The following SWT1 variants were observed in gnomAD, a reference collection of about 807,000 sequenced individuals.
SWT1 encodes the protein SWT1 RNA endoribonuclease homolog.
Under a neutral mutation model 107.3 loss-of-function variants are expected in SWT1, and 33 were observed. The ratio of observed to expected loss-of-function variants is 0.31; its 90% CI spans 0.23 to 0.41. The LOEUF is 0.41. SWT1 is among the 10% of genes least tolerant of loss of function. The pLI is 1.00. For synonymous variants in SWT1, 345 were observed against 348.3 expected (o/e 0.99, Z 0.11); for missense variants, 898 against 1,028.9 (o/e 0.87, Z 1.74).
intron 13 of SWT1, 121 bp from the exon 14 acceptor site, chr1:185,214,385 TG>T: frequency 1.7e-6 from 1 of 573,506 alleles, no homozygotes; most frequent in Non-Finnish European, 2.9e-6. Flanking sequence ...AACTTAGGAG[TG>T]GCATATAGGT....
chr1:185,202,631 T>C (rs1260472209), intron 10 of SWT1, 23 bp from the exon 11 acceptor site: 1 of 1,598,168 alleles, frequency 6.3e-7, no homozygotes, highest in Admixed American at 1.7e-5. Flanking sequence ...TTTTTCCTCC[T>C]AATCCCAACC....
intron 18 of SWT1, among the ~76,000 whole-genome samples, chr1:185,278,672 G>A (rs1486824523): frequency 1.3e-5 from 2 of 152,172 alleles, no homozygotes; most frequent in African/African-American, 2.4e-5. Flanking sequence ...GTTGTAACAC[G>A]ACATGTGCAT....
chr1:185,233,889 A>C (rs975561443), intron 16 of SWT1, among the ~76,000 whole-genome samples: 29 of 151,870 alleles, frequency 1.9e-4, no homozygotes, highest in Admixed American at 5.2e-4. Context: ...GACTACAGGC[A>C]CCCGCCACCA....
chr1:185,269,378 T>G (rs1007706138), intron 16 of SWT1, among the ~76,000 whole-genome samples: 11 of 151,642 alleles, frequency 7.3e-5, no homozygotes, highest in Middle Eastern at 3.4e-3. Flanking sequence ...TTTTTGTTTT[T>G]TTTTTTTTTT....
At chr1:185,220,542 A>G (rs1021602250) in intron 14 of SWT1, among the ~76,000 whole-genome samples, 3 of 151,816 alleles carry the variant, frequency 2.0e-5, no homozygotes, top group African/African-American at 4.8e-5. Context: ...CAGTTTGTCT[A>G]TTTCATCTCC....
At chr1:185,248,340 A>G (rs544423809) in intron 16 of SWT1, among the ~76,000 whole-genome samples, 3 of 152,328 alleles carry the variant, frequency 2.0e-5, no homozygotes, top group South Asian at 4.1e-4. Context: ...ATTTTTTTTC[A>G]TAAATACATG....
chr1:185,260,345 T>C (rs1278483047), intron 16 of SWT1, among the ~76,000 whole-genome samples: 1 of 152,144 alleles, frequency 6.6e-6, no homozygotes, highest in Admixed American at 6.5e-5. Context: ...GGTCAATGGC[T>C]GTGCAGTGTA....
intron 16 of SWT1, chr1:185,263,721 C>G (rs1663188377): frequency 6.6e-6 from 1 of 152,176 alleles, no homozygotes; most frequent in African/African-American, 2.4e-5. Context: ...TAAATTGTGG[C>G]ATTGATTTCA....
chr1:185,203,240 C>T (rs1658027954), intron 11 of SWT1, among the ~76,000 whole-genome samples: 2 of 151,872 alleles, frequency 1.3e-5, no homozygotes, highest in Admixed American at 6.6e-5. Context: ...CTATTTATAA[C>T]CTATTAATAT....
intron 14 of SWT1, among the ~76,000 whole-genome samples, 196 bp downstream of exon 14, chr1:185,214,851 G>A (rs1659094957): frequency 6.6e-6 from 1 of 152,152 alleles, no homozygotes; most frequent in African/African-American, 2.4e-5. Flanking sequence ...CTCCTTTTAT[G>A]GAAGCAGTGT....
chr1:185,168,829 G>A (rs994551652), intron 4 of SWT1, among the ~76,000 whole-genome samples: 1 of 152,166 alleles, frequency 6.6e-6, no homozygotes, highest in Non-Finnish European at 1.5e-5. Context: ...TGTGATTATA[G>A]CTAGAGAACT....
chr1:185,171,592 C>A (rs2102332574), intron 4 of SWT1: 3 of 488,480 alleles, frequency 6.1e-6, no homozygotes, highest in South Asian at 1.6e-5. Flanking sequence ...AAAAACTGCT[C>A]AAAATTGGCA....
At chr1:185,217,321 T>TA (rs1236558825) in intron 14 of SWT1, among the ~76,000 whole-genome samples, 3 of 152,174 alleles carry the variant, frequency 2.0e-5, no homozygotes, top group Non-Finnish European at 2.9e-5. Flanking sequence ...AAGCAAAACT[T>TA]AATCTGTATT....
intron 15 of SWT1, among the ~76,000 whole-genome samples, chr1:185,225,960 G>A (rs1469474757): frequency 6.6e-6 from 1 of 151,970 alleles, no homozygotes; most frequent in Non-Finnish European, 1.5e-5. Flanking sequence ...AATGGCATGA[G>A]GACTAACAAT....
chr1:185,177,038 A>C (rs1655631616), intron 5 of SWT1: 2 of 983,900 alleles, frequency 2.0e-6, no homozygotes, highest in Non-Finnish European at 2.4e-6. Flanking sequence ...TTCTTACGAA[A>C]AATGGAGGAA....
At chr1:185,208,624 C>G (rs1658516828) in intron 13 of SWT1, among the ~76,000 whole-genome samples, 1 of 152,050 alleles carries the variant, frequency 6.6e-6, no homozygotes, top group Non-Finnish European at 1.5e-5. Context: ...TAAATATGTA[C>G]AATTATTATG....
At chr1:185,162,648 A>G (rs1479427532) in intron 2 of SWT1, among the ~76,000 whole-genome samples, 1 of 152,074 alleles carries the variant, frequency 6.6e-6, no homozygotes, top group East Asian at 1.9e-4. Context: ...CTTTCTTTTT[A>G]TAATGTATAG....
intron 16 of SWT1, among the ~76,000 whole-genome samples, chr1:185,237,149 C>A (rs1207181856): frequency 6.6e-6 from 1 of 152,124 alleles, no homozygotes; most frequent in Non-Finnish European, 1.5e-5. Context: ...GTGATGATTC[C>A]TCAAGGATCT....
intron 16 of SWT1, among the ~76,000 whole-genome samples, chr1:185,236,353 A>G (rs958958235): frequency 1.3e-5 from 2 of 152,230 alleles, no homozygotes. Flanking sequence ...ACAGCATGGT[A>G]CTGGTACCAA....
Sources: allele counts gnomAD v4.1 joint callset (sites outside exome capture counted in the v4.1 genomes callset), GRCh38; gene constraint gnomAD v4.1.1; transcripts MANE v1.5; gene names NCBI Gene and HGNC (gene_info 2026-07-23, HGNC 2026-07-21).